FAAH2: variants seen among roughly 807,000 people sequenced by gnomAD.
FAAH2 encodes the protein fatty-acid amide hydrolase 2.
In FAAH2, 60 loss-of-function variants were observed where a neutral mutation model predicts 36.9. That is an observed-to-expected ratio of 1.63 (90% CI 1.32 to 2.02). The LOEUF (loss-of-function observed/expected upper bound fraction) is 2.02, where lower values mean the gene tolerates loss of function less well. FAAH2 is among the 30% of genes most tolerant of loss of function. FAAH2 has a pLI of 0.00. For missense variants in FAAH2, 689 were observed against 397.5 expected (o/e 1.73, Z -6.23); for synonymous variants, 214 against 143.8 (o/e 1.49, Z -3.49).
At chrX:57,261,975 G>T in the FAAH2 span, among the ~76,000 whole-genome samples, 2 of 102,965 alleles carry the variant, frequency 1.9e-5, no homozygotes, top group Non-Finnish European at 3.9e-5. Flanking sequence ...GAAGAATTAA[G>T]TATGACATCT....
chrX:57,207,582 C>G, the FAAH2 span, among the ~76,000 whole-genome samples: 575 of 112,559 alleles, frequency 5.1e-3, 1 homozygote, highest in African/African-American at 0.013. Context: ...TTCCCCATTT[C>G]CACATCCAGC....
chrX:57,440,016 A>T (rs2056513192), intron 8 of FAAH2, among the ~76,000 whole-genome samples: 1 of 111,523 alleles, frequency 9.0e-6, no homozygotes, highest in Non-Finnish European at 1.9e-5. Context: ...CTTGTAGTAT[A>T]GTTTGAAGTC....
intron 5 of FAAH2, among the ~76,000 whole-genome samples, chrX:57,357,346 A>T (rs906835886): frequency 1.8e-4 from 20 of 111,599 alleles, no homozygotes; most frequent in Non-Finnish European, 3.6e-4. Context: ...GATCTAAATA[A>T]CCTAAAGAGC....
the FAAH2 span, among the ~76,000 whole-genome samples, chrX:57,146,391 G>C: frequency 1.8e-5 from 2 of 111,753 alleles, no homozygotes; most frequent in African/African-American, 3.2e-5. Flanking sequence ...GTATAGCAGA[G>C]CTACTGATTT....
intron 5 of FAAH2, among the ~76,000 whole-genome samples, chrX:57,347,656 A>G (rs1302607862): frequency 2.6e-5 from 2 of 76,623 alleles, no homozygotes; most frequent in South Asian, 5.8e-4. Flanking sequence ...TGTTGTTTTA[A>G]TTTTCATAAT....
the FAAH2 span, among the ~76,000 whole-genome samples, chrX:57,141,855 T>C: frequency 4.5e-5 from 5 of 111,307 alleles, no homozygotes; most frequent in African/African-American, 1.3e-4. Context: ...CATAGGTATA[T>C]GTGTGTCATG....
chrX:57,251,018 A>G, the FAAH2 span, among the ~76,000 whole-genome samples: 2 of 111,879 alleles, frequency 1.8e-5, no homozygotes, highest in Non-Finnish European at 3.8e-5. Context: ...CAAGGCCAGT[A>G]TTAGTCCAAA....
At chrX:57,352,657 G>A (rs372234699) in intron 5 of FAAH2, among the ~76,000 whole-genome samples, 2 of 110,984 alleles carry the variant, frequency 1.8e-5, no homozygotes, top group African/African-American at 6.5e-5. Context: ...ATTAGAAAAA[G>A]ACGAAGTTAA....
At chrX:57,322,603 G>T (rs182883814) in intron 3 of FAAH2, among the ~76,000 whole-genome samples, 2 of 110,972 alleles carry the variant, frequency 1.8e-5, no homozygotes, top group African/African-American at 6.5e-5. Flanking sequence ...TTTCTAATTT[G>T]CCTTCTTTCT....
chrX:57,380,468 T>C (rs1245129567), intron 6 of FAAH2, among the ~76,000 whole-genome samples: 1 of 112,191 alleles, frequency 8.9e-6, no homozygotes, highest in African/African-American at 3.2e-5. Context: ...ACTTTGATTC[T>C]TACCCAATCC....
the FAAH2 span, among the ~76,000 whole-genome samples, chrX:57,151,452 GTTCAT>G: frequency 9.0e-6 from 1 of 111,554 alleles, no homozygotes; most frequent in Non-Finnish European, 1.9e-5. Context: ...TGGAGGCTTT[GTTCAT>G]TTCTTTTTAT....
At chrX:57,133,185 A>G in the FAAH2 span, among the ~76,000 whole-genome samples, 1 of 112,278 alleles carries the variant, frequency 8.9e-6, no homozygotes, top group East Asian at 2.8e-4. Context: ...CTATGAAAAT[A>G]CATTATAATT....
At chrX:57,299,081 G>A (rs936120977) in intron 2 of FAAH2, among the ~76,000 whole-genome samples, 39 of 111,294 alleles carry the variant, frequency 3.5e-4, no homozygotes, top group African/African-American at 1.1e-3. Flanking sequence ...AGAAAAATAG[G>A]GAATCCTCCC....
intron 3 of FAAH2, among the ~76,000 whole-genome samples, chrX:57,315,286 G>A (rs1337211831): frequency 1.8e-5 from 2 of 111,019 alleles, no homozygotes; most frequent in African/African-American, 3.3e-5. Flanking sequence ...ATCAAAAAGT[G>A]TCCTGGACTA....
chrX:57,477,376 A>G (rs1386964517), intron 10 of FAAH2, among the ~76,000 whole-genome samples: 1 of 111,477 alleles, frequency 9.0e-6, no homozygotes, highest in Admixed American at 9.6e-5. Context: ...TTTAATAATC[A>G]TATATTTACT....
At chrX:57,255,716 A>G in the FAAH2 span, among the ~76,000 whole-genome samples, 54 of 112,127 alleles carry the variant, frequency 4.8e-4, 1 homozygote, top group South Asian at 0.019. Context: ...CCTTCGACAA[A>G]AATTCAACGC....
chrX:57,268,335 A>C, the FAAH2 span, among the ~76,000 whole-genome samples: 47 of 111,450 alleles, frequency 4.2e-4, no homozygotes, highest in African/African-American at 1.5e-3. Flanking sequence ...TAACCCCCCA[A>C]AAAAAATGAG....
intron 8 of FAAH2, among the ~76,000 whole-genome samples, chrX:57,443,857 G>T (rs1047434824): frequency 8.9e-6 from 1 of 112,249 alleles, no homozygotes; most frequent in African/African-American, 3.2e-5. Flanking sequence ...TTGCAGGTCT[G>T]TTGGAGTTTA....
At chrX:57,142,657 T>C in the FAAH2 span, among the ~76,000 whole-genome samples, 1 of 111,369 alleles carries the variant, frequency 9.0e-6, no homozygotes, top group Non-Finnish European at 1.9e-5. Context: ...GATATTTCTT[T>C]GTTAATTTTT....
Sources: allele counts gnomAD v4.1 joint callset (sites outside exome capture counted in the v4.1 genomes callset), GRCh38; gene constraint gnomAD v4.1.1; transcripts MANE v1.5; gene names NCBI Gene and HGNC (gene_info 2026-07-23, HGNC 2026-07-21).